The following PRKAA1 variants were observed in gnomAD, a reference collection of about 807,000 sequenced individuals.
The protein encoded by PRKAA1 is protein kinase AMP-activated catalytic subunit alpha 1, also known as 5'-AMP-activated protein kinase catalytic subunit alpha-1.
PRKAA1 carries 23 observed loss-of-function variants against 56.9 expected under a neutral mutation model. The ratio of observed to expected loss-of-function variants is 0.40; its 90% confidence interval spans 0.29 to 0.57. The LOEUF (loss-of-function observed/expected upper bound fraction) is 0.57, where lower values mean the gene tolerates loss of function less well. PRKAA1 is among the 20% of genes least tolerant of loss of function. The pLI, the probability that PRKAA1 is intolerant of heterozygous loss-of-function variation, is 0.39. For synonymous variants in PRKAA1, 226 were observed against 227.0 expected, an observed-to-expected ratio of 1.00 and a Z score of 0.04; for missense variants, 413 against 679.7, an observed-to-expected ratio of 0.61 and a Z score of 4.36.
rs537660683 is a variant in PRKAA1 at position 40,762,843 on chromosome 5, G to T, written c.1615C>A (p.Pro539Thr). 2 of 1,613,990 alleles carry T rather than the reference G, an allele frequency of 1.2e-6. No homozygotes were observed. The highest frequency in any genetic ancestry group is 1.7e-6 in the Non-Finnish European group (2 of 1,179,992). The change falls in exon 9 of 9, where the codon CCT (proline) becomes ACT (threonine). Residue 539 changes from proline (P) to threonine (T), a missense_variant. Physicochemically the swap from Pro to Thr is conservative, Grantham distance 38. Coordinates refer to ENST00000397128, the MANE Select transcript of PRKAA1 (RefSeq NM_006251.6). ...AAAAATTCTATTGTGTGACTTCCAG[G>T]TCTTGGAGTTAGGTCAACAGGAGAA... ...DSSPVDLTPR[P>T]GSHTIEFFEM... is the part of the protein sequence containing the mutation.
intron 1 of PRKAA1, among the ~76,000 whole-genome samples, 153 bp downstream of exon 1, chr5:40,797,910 G>C (rs1448480668): frequency 1.3e-5 from 2 of 152,006 alleles, no homozygotes; most frequent in Non-Finnish European, 2.9e-5. Flanking sequence ...CAGCCCCGCG[G>C]CGGCTGGGGA....
intron 1 of PRKAA1, among the ~76,000 whole-genome samples, chr5:40,794,395 T>G (rs1349412855): frequency 6.6e-6 from 1 of 152,232 alleles, no homozygotes; most frequent in African/African-American, 2.4e-5. Flanking sequence ...TATTAGTACT[T>G]TTTCAGATGT....
At chr5:40,785,264 AG>A (rs1419028399) in intron 1 of PRKAA1, among the ~76,000 whole-genome samples, 1 of 151,802 alleles carries the variant, frequency 6.6e-6, no homozygotes, top group Non-Finnish European at 1.5e-5. Context: ...TTTGAGACGG[AG>A]TTTTGCTCTT....
intron 1 of PRKAA1, among the ~76,000 whole-genome samples, chr5:40,781,039 A>G (rs1744246653): frequency 6.6e-6 from 1 of 152,200 alleles, no homozygotes; most frequent in African/African-American, 2.4e-5. Flanking sequence ...GGTTCCACCT[A>G]ATATGATGCA....
chr5:40,774,306 T>G (rs1743887140), intron 3 of PRKAA1, among the ~76,000 whole-genome samples: 1 of 152,202 alleles, frequency 6.6e-6, no homozygotes, highest in Non-Finnish European at 1.5e-5. Flanking sequence ...AGGAAGACTT[T>G]TTTTAAAATG....
intron 3 of PRKAA1, among the ~76,000 whole-genome samples, chr5:40,774,279 AGAACAAGACG>A (rs1561174387): frequency 6.6e-6 from 1 of 152,258 alleles, no homozygotes; most frequent in East Asian, 1.9e-4. Flanking sequence ...CAGAAGGTAC[AGAACAAGACG>A]GAACAGAGGA....
At chr5:40,777,314 A>C in intron 2 of PRKAA1, 131 bp downstream of exon 2, 1 of 1,043,536 alleles carries the variant, frequency 9.6e-7, no homozygotes, top group Non-Finnish European at 1.4e-6. Context: ...CACACAGCCT[A>C]GGAAGAAACT....
At position 40,797,951 on chromosome 5, in the gene PRKAA1, C is replaced by G. The variant is rs954221532; in HGVS notation, c.127+112G>C. 326 of 1,493,694 alleles carry G rather than the reference C, an allele frequency of 2.2e-4. 1 individual carries two copies. Among genetic ancestry groups the G allele is most frequent in the South Asian group, 1.0e-4 (9 of 85,818 alleles). The allele number at this position is 1,493,694 out of a possible 1,614,324, so 92.5% of individuals were successfully genotyped here. A position where few individuals can be genotyped will look rare whatever the true frequency, so the allele number is the denominator to read the frequency against. On this transcript the variant is annotated intron_variant, in intron 1 of 8. Coordinates refer to ENST00000397128, the MANE Select transcript of PRKAA1 (RefSeq NM_006251.6). ...CCCGCAGGATCCGGGACAGGGGCTGCCCAGCCCTGGAAAGAAGGGACGCAG... is the reference window on the plus strand; with the variant it reads ...CCCGCAGGATCCGGGACAGGGGCTGGCCAGCCCTGGAAAGAAGGGACGCAG...
At chr5:40,763,526 C>T (rs1743289388) in intron 8 of PRKAA1, among the ~76,000 whole-genome samples, 1 of 152,154 alleles carries the variant, frequency 6.6e-6, no homozygotes, top group African/African-American at 2.4e-5. Flanking sequence ...GTGCTTTTTA[C>T]TTTCCACTTT....
At chr5:40,788,137 G>A (rs1346617166) in intron 1 of PRKAA1, among the ~76,000 whole-genome samples, 1 of 152,182 alleles carries the variant, frequency 6.6e-6, no homozygotes, top group Non-Finnish European at 1.5e-5. Context: ...CAAACCTATA[G>A]TAATTAAAAC....
intron 2 of PRKAA1, among the ~76,000 whole-genome samples, chr5:40,775,877 G>A (rs1021759656): frequency 2.0e-5 from 3 of 152,268 alleles, no homozygotes; most frequent in Non-Finnish European, 4.4e-5. Flanking sequence ...AATAGCAACT[G>A]CAAAGGTCCC....
rs549176796 is a variant in PRKAA1 at position 40,798,339 on chromosome 5, C to A, written c.-150G>T. On this transcript the variant is annotated 5_prime_UTR_variant, in exon 1 of 9. Coordinates refer to ENST00000397128, the MANE Select transcript of PRKAA1 (RefSeq NM_006251.6). Reference sequence around the variant, plus strand: ...GCAGCCTACGTCGGGCGCAGACGCTCCCCCTGGCGGGGCGGGCGGGGGCTG... The same window carrying A: ...GCAGCCTACGTCGGGCGCAGACGCTACCCCTGGCGGGGCGGGCGGGGGCTG... 3.4e-4 allele frequency: 127 copies of A among 371,990 alleles called. No individual in the cohort carries two copies. Among genetic ancestry groups the A allele is most frequent in the African/African-American group, 2.6e-3 (120 of 46,398 alleles). The allele number at this position is 371,990 out of a possible 1,614,324, so 23.0% of individuals were successfully genotyped here.
At position 40,777,537 on chromosome 5, in the gene PRKAA1, A is replaced by AT; in HGVS notation, c.176dup (p.Asn59LysfsTer9). ...CATCAAGGCTCCGAATCTTCTGTCG[A>AT]TTGAGTATCTTCACAGCTACTTTAT... On this transcript the variant is annotated frameshift_variant, in exon 2 of 9. Transcript: ENST00000397128. LOFTEE classifies it high-confidence loss of function. 6.2e-7 allele frequency: 1 copy of AT among 1,613,662 alleles called. No homozygotes were observed. The highest frequency in any genetic ancestry group is 8.5e-7 in the Non-Finnish European group (1 of 1,179,562).
intron 5 of PRKAA1, among the ~76,000 whole-genome samples, chr5:40,768,132 G>C (rs918706117): frequency 1.3e-5 from 2 of 152,162 alleles, no homozygotes; most frequent in Non-Finnish European, 2.9e-5. Flanking sequence ...AGAAAGCCAG[G>C]CAAATTGGTT....
chr5:40,762,829 T>C lies in PRKAA1; in HGVS notation c.1629A>G (p.Thr543=), dbSNP rs775484891. The change falls in exon 9 of 9, where the codon ACA becomes ACG. Residue 543 remains threonine (T), a synonymous_variant. Transcript: ENST00000397128. The part of the protein sequence containing the change: ...VDLTPRPGSH[T]IEFFEMCANL... ...TTGCACACATCTCAAAAAATTCTAT[T>C]GTGTGACTTCCAGGTCTTGGAGTTA... The C allele has an allele frequency of 2.5e-6, 4 of 1,614,072 alleles. No individual in the cohort carries two copies. Among genetic ancestry groups the C allele is most frequent in the Non-Finnish European group, 3.4e-6 (4 of 1,180,024 alleles).
chr5:40,768,813 T>A, intron 5 of PRKAA1: 1 of 1,480,604 alleles, frequency 6.8e-7, no homozygotes, highest in South Asian at 1.3e-5. Context: ...AGAGTTATTC[T>A]TAAAAATATT....
In PRKAA1 at chr5:40,798,070, T is replaced by G; in HGVS notation, c.120A>C (p.Lys40Asn). 1 of 1,608,872 alleles carries G rather than the reference T, an allele frequency of 6.2e-7. No homozygotes were observed. The highest frequency in any genetic ancestry group is 8.5e-7 in the Non-Finnish European group (1 of 1,177,260). The change falls in exon 1 of 9, where the codon AAA (lysine) becomes AAC (asparagine). Residue 40 changes from lysine to asparagine, a missense_variant. Coordinates refer to ENST00000397128, the MANE Select transcript of PRKAA1 (RefSeq NM_006251.6). ...GDTLGVGTFG[K>N]VKVGKHELTG... ...GTCCCGCGGGGTTCTCACCCTTCAC[T>G]TTGCCGAAGGTGCCGACCCCCAGCG... is the stretch of plus-strand genomic sequence containing the variant.
At chr5:40,792,919 T>C (rs1054182109) in intron 1 of PRKAA1, among the ~76,000 whole-genome samples, 2 of 150,324 alleles carry the variant, frequency 1.3e-5, no homozygotes, top group Admixed American at 6.6e-5. Flanking sequence ...AAAAAAAAAA[T>C]AGCTGGGCGT....
intron 8 of PRKAA1, 25 bp from the exon 9 acceptor site, chr5:40,763,047 TTA>T: frequency 6.2e-7 from 1 of 1,612,190 alleles, no homozygotes; most frequent in Non-Finnish European, 8.5e-7. Context: ...TTTCAATTTA[TTA>T]TAGTCTATGA....
Sources: allele counts gnomAD v4.1 joint callset (sites outside exome capture counted in the v4.1 genomes callset), GRCh38; gene constraint gnomAD v4.1.1; transcripts MANE v1.5; gene names NCBI Gene and HGNC (gene_info 2026-07-23, HGNC 2026-07-21).